The following TSPAN18 variants were observed in gnomAD, a reference collection of about 807,000 sequenced individuals.
TSPAN18 encodes the protein tetraspanin-18.
TSPAN18 carries 14 observed loss-of-function variants against 27.3 expected under a neutral mutation model. The ratio of observed to expected loss-of-function variants is 0.51; its 90% confidence interval spans 0.34 to 0.80. The LOEUF (loss-of-function observed/expected upper bound fraction) is 0.80, where lower values mean the gene tolerates loss of function less well. TSPAN18 is among the 30% of genes least tolerant of loss of function. The pLI is 0.01. For synonymous variants in TSPAN18, 143 were observed against 136.5 expected (o/e 1.05, Z -0.33); for missense variants, 268 against 323.9 (o/e 0.83, Z 1.32).
chr11:44,909,912 G>T lies in TSPAN18; in HGVS notation c.258+13G>T. Reference sequence around the variant, plus strand: ...TCTGCTGCTATTTGTGAGTACCCCAGCCCCCACCCCATCCATGGGTGCTCT... The same window carrying T: ...TCTGCTGCTATTTGTGAGTACCCCATCCCCCACCCCATCCATGGGTGCTCT... On this transcript the variant is annotated intron_variant, in intron 5 of 9. Coordinates refer to ENST00000520358, the MANE Select transcript of TSPAN18 (RefSeq NM_130783.5). The T allele has an allele frequency of 6.2e-7, 1 of 1,603,730 alleles. No individual in the cohort carries two copies.
chr11:44,863,367 G>A (rs746566040), intron 3 of TSPAN18, among the ~76,000 whole-genome samples: 6 of 152,238 alleles, frequency 3.9e-5, no homozygotes, highest in East Asian at 1.9e-4. Flanking sequence ...GCCGTGCTGG[G>A]CCTGGGGCCA....
chr11:44,859,008 G>A (rs1028829760), intron 2 of TSPAN18, among the ~76,000 whole-genome samples: 1 of 152,114 alleles, frequency 6.6e-6, no homozygotes, highest in Non-Finnish European at 1.5e-5. Flanking sequence ...TGTGACATTC[G>A]TGCTCACCAG....
At chr11:44,903,602 G>C in intron 3 of TSPAN18, 1 of 456,624 alleles carries the variant, frequency 2.2e-6, no homozygotes, top group Non-Finnish European at 4.4e-6. Context: ...CTGCAGCCAT[G>C]TCTGGATGAG....
intron 3 of TSPAN18, 41 bp downstream of exon 3, chr11:44,860,510 A>G (rs1857848952): frequency 6.6e-6 from 1 of 152,230 alleles, no homozygotes; most frequent in Non-Finnish European, 1.5e-5. Flanking sequence ...GATTTCTGCT[A>G]CTTTTGTTGT....
chr11:44,850,937 G>A (rs886820752), intron 2 of TSPAN18, among the ~76,000 whole-genome samples: 2 of 152,152 alleles, frequency 1.3e-5, no homozygotes, highest in African/African-American at 4.8e-5. Flanking sequence ...AAAGATGGTG[G>A]AATACCTCTG....
chr11:44,897,758 C>T (rs932706895), intron 3 of TSPAN18: 52 of 1,288,566 alleles, frequency 4.0e-5, no homozygotes, highest in African/African-American at 3.0e-4. Flanking sequence ...CAAGCTGGGC[C>T]GATAAAAGAA....
intron 3 of TSPAN18, among the ~76,000 whole-genome samples, chr11:44,895,040 C>T (rs568729492): frequency 6.6e-6 from 1 of 152,282 alleles, no homozygotes; most frequent in South Asian, 2.1e-4. Context: ...TAATAATACC[C>T]ACCTCCTAGG....
At chr11:44,859,900 G>A (rs922983962) in intron 2 of TSPAN18, among the ~76,000 whole-genome samples, 1 of 152,184 alleles carries the variant, frequency 6.6e-6, no homozygotes, top group African/African-American at 2.4e-5. Context: ...TGGCGGCATG[G>A]AGCATCCCAG....
At chr11:44,868,122 C>T (rs916213123) in intron 3 of TSPAN18, among the ~76,000 whole-genome samples, 2 of 152,040 alleles carry the variant, frequency 1.3e-5, no homozygotes, top group Non-Finnish European at 2.9e-5. Context: ...CCGGGTGCAG[C>T]GTGGATACCC....
At chr11:44,908,087 C>T (rs1332293544) in intron 4 of TSPAN18, among the ~76,000 whole-genome samples, 1 of 150,916 alleles carries the variant, frequency 6.6e-6, no homozygotes, top group East Asian at 2.0e-4. Flanking sequence ...AGACACTGCA[C>T]AGCAGATGGC....
chr11:44,752,136 T>C (rs1332152180), intron 1 of TSPAN18, among the ~76,000 whole-genome samples: 1 of 152,164 alleles, frequency 6.6e-6, no homozygotes, highest in Non-Finnish European at 1.5e-5. Flanking sequence ...TGTCACATTA[T>C]CAAACTAAAA....
At chr11:44,849,501 GC>G (rs1283075561) in intron 2 of TSPAN18, among the ~76,000 whole-genome samples, 1 of 152,202 alleles carries the variant, frequency 6.6e-6, no homozygotes, top group African/African-American at 2.4e-5. Flanking sequence ...GACTGTTATA[GC>G]CCCATGTCAG....
At chr11:44,751,649 G>A (rs1296423571) in intron 1 of TSPAN18, among the ~76,000 whole-genome samples, 1 of 152,106 alleles carries the variant, frequency 6.6e-6, no homozygotes, top group African/African-American at 2.4e-5. Flanking sequence ...CTGGTGCAGT[G>A]GCTCACACCT....
intron 2 of TSPAN18, among the ~76,000 whole-genome samples, chr11:44,839,946 T>A (rs1299674434): frequency 6.6e-6 from 1 of 152,092 alleles, no homozygotes; most frequent in Non-Finnish European, 1.5e-5. Flanking sequence ...ACACCCAGGG[T>A]GGGTGGCTGT....
At chr11:44,822,101 T>C (rs1590530953) in intron 2 of TSPAN18, among the ~76,000 whole-genome samples, 1 of 151,514 alleles carries the variant, frequency 6.6e-6, no homozygotes, top group African/African-American at 2.4e-5. Flanking sequence ...AAAGGTGGGG[T>C]GGGGGTACAG....
chr11:44,763,200 T>C (rs1261256198), intron 1 of TSPAN18, among the ~76,000 whole-genome samples: 1 of 152,192 alleles, frequency 6.6e-6, no homozygotes, highest in African/African-American at 2.4e-5. Flanking sequence ...GTGCAGCTAG[T>C]CTCTGAGGGC....
At chr11:44,889,461 G>T (rs1185894199) in intron 3 of TSPAN18, among the ~76,000 whole-genome samples, 1 of 152,244 alleles carries the variant, frequency 6.6e-6, no homozygotes, top group Non-Finnish European at 1.5e-5. Flanking sequence ...GCTCTCTCTG[G>T]AGGCAGGAGG....
intron 2 of TSPAN18, among the ~76,000 whole-genome samples, chr11:44,838,928 G>A: frequency 6.6e-6 from 1 of 152,220 alleles, no homozygotes. Flanking sequence ...GTGTCAACTT[G>A]ACTACCTAGA....
intron 2 of TSPAN18, among the ~76,000 whole-genome samples, chr11:44,835,099 G>A (rs543970245): frequency 5.3e-5 from 8 of 152,236 alleles, no homozygotes; most frequent in Non-Finnish European, 1.2e-4. Flanking sequence ...GCACACGGGA[G>A]CAGGGGGCTC....
Sources: allele counts gnomAD v4.1 joint callset (sites outside exome capture counted in the v4.1 genomes callset), GRCh38; gene constraint gnomAD v4.1.1; transcripts MANE v1.5; gene names NCBI Gene and HGNC (gene_info 2026-07-23, HGNC 2026-07-21).